DGKI: variants seen among roughly 807,000 people sequenced by gnomAD.
The protein encoded by DGKI is DAG kinase iota.
A neutral mutation model predicts 147.5 loss-of-function variants in DGKI; 55 were observed. The ratio of observed to expected loss-of-function variants is 0.37; its 90% CI spans 0.30 to 0.47. DGKI has a LOEUF of 0.47. DGKI is among the 20% of genes least tolerant of loss of function. DGKI has a pLI of 1.00. For missense variants in DGKI, 1,007 were observed against 1,323.8 expected (o/e 0.76, Z 3.71); for synonymous variants, 469 against 477.1 (o/e 0.98, Z 0.22).
intron 1 of DGKI, among the ~76,000 whole-genome samples, chr7:137,745,277 C>T (rs1795289754): frequency 6.6e-6 from 1 of 152,074 alleles, no homozygotes; most frequent in Non-Finnish European, 1.5e-5. Context: ...GCAGTGAGTA[C>T]CTCTCTCTCC....
At chr7:137,815,971 G>C (rs1797725220) in intron 1 of DGKI, among the ~76,000 whole-genome samples, 1 of 152,026 alleles carries the variant, frequency 6.6e-6, no homozygotes, top group Non-Finnish European at 1.5e-5. Flanking sequence ...AAATAATCAA[G>C]TCTGCTCTCC....
chr7:137,459,706 C>A (rs1814353229), intron 27 of DGKI, among the ~76,000 whole-genome samples: 1 of 151,838 alleles, frequency 6.6e-6, no homozygotes, highest in African/African-American at 2.4e-5. Context: ...GATCTCCTGA[C>A]CTCGTGATCC....
At chr7:137,615,531 A>ATGTGTGTGTG (rs5887846) in intron 8 of DGKI, among the ~76,000 whole-genome samples, 17 of 135,868 alleles carry the variant, frequency 1.3e-4, no homozygotes, top group African/African-American at 4.5e-4. Flanking sequence ...ATATGTATGT[A>ATGTGTGTGTG]TGTGTGTGTG....
intron 1 of DGKI, among the ~76,000 whole-genome samples, chr7:137,760,157 G>A (rs140614336): frequency 2.6e-5 from 4 of 151,986 alleles, no homozygotes; most frequent in African/African-American, 7.2e-5. Flanking sequence ...TCTTTCCTGC[G>A]GGCCCTCTCC....
At chr7:137,455,174 C>T (rs986537850) in intron 27 of DGKI, among the ~76,000 whole-genome samples, 2 of 152,060 alleles carry the variant, frequency 1.3e-5, no homozygotes, top group East Asian at 3.9e-4. Flanking sequence ...ATAACTGTAA[C>T]ATACCCCAGC....
intron 1 of DGKI, among the ~76,000 whole-genome samples, chr7:137,809,371 T>C (rs1797489385): frequency 6.6e-6 from 1 of 152,100 alleles, no homozygotes; most frequent in African/African-American, 2.4e-5. Flanking sequence ...TCTGAAGCAA[T>C]GACAGGAGGA....
chr7:137,635,513 A>T (rs928641854), intron 6 of DGKI, among the ~76,000 whole-genome samples: 5 of 152,150 alleles, frequency 3.3e-5, no homozygotes, highest in Non-Finnish European at 7.3e-5. Context: ...GAAATGTGTG[A>T]CCCACGAACA....
chr7:137,645,339 C>T, intron 6 of DGKI, 133 bp downstream of exon 6: 7 of 641,302 alleles, frequency 1.1e-5, no homozygotes, highest in Non-Finnish European at 1.8e-5. Context: ...TTAAGGAGAC[C>T]TGGACAAGTA....
intron 1 of DGKI, among the ~76,000 whole-genome samples, chr7:137,834,952 T>C (rs1197113485): frequency 6.6e-6 from 1 of 152,204 alleles, no homozygotes; most frequent in Admixed American, 6.5e-5. Context: ...GGACATTAAG[T>C]ATACGTCCTC....
intron 1 of DGKI, among the ~76,000 whole-genome samples, chr7:137,822,366 C>A (rs1315321072): frequency 6.6e-6 from 1 of 152,064 alleles, no homozygotes; most frequent in Non-Finnish European, 1.5e-5. Context: ...GAGATCACTC[C>A]CCTGCACTCC....
At chr7:137,583,694 C>G (rs1344684756) in intron 14 of DGKI, among the ~76,000 whole-genome samples, 1 of 152,078 alleles carries the variant, frequency 6.6e-6, no homozygotes, top group Non-Finnish European at 1.5e-5. Flanking sequence ...ATATGGATTT[C>G]TATTGCACGT....
At chr7:137,606,117 A>T (rs747145569) in intron 10 of DGKI, among the ~76,000 whole-genome samples, 3 of 152,198 alleles carry the variant, frequency 2.0e-5, no homozygotes, top group African/African-American at 7.2e-5. Flanking sequence ...AAAATTAAAG[A>T]GTTTTAAAAT....
intron 1 of DGKI, among the ~76,000 whole-genome samples, chr7:137,746,765 C>G (rs1795349810): frequency 6.6e-6 from 1 of 152,018 alleles, no homozygotes; most frequent in African/African-American, 2.4e-5. Context: ...CAGGTGTAAG[C>G]TGTTCCTTGG....
At chr7:137,422,509 T>C (rs1167987815) in intron 28 of DGKI, among the ~76,000 whole-genome samples, 2 of 151,904 alleles carry the variant, frequency 1.3e-5, no homozygotes, top group Admixed American at 1.3e-4. Flanking sequence ...TAGAATCCTA[T>C]TTACGGTTTT....
At chr7:137,414,839 T>G (rs1278377110) in intron 28 of DGKI, among the ~76,000 whole-genome samples, 1 of 152,234 alleles carries the variant, frequency 6.6e-6, no homozygotes, top group Non-Finnish European at 1.5e-5. Flanking sequence ...ACATAAATTT[T>G]GGAAGTTATT....
At chr7:137,396,479 G>A (rs1234949477) in intron 31 of DGKI, among the ~76,000 whole-genome samples, 1 of 152,198 alleles carries the variant, frequency 6.6e-6, no homozygotes, top group Non-Finnish European at 1.5e-5. Flanking sequence ...AGTGTTTCAG[G>A]AAAAATCAAT....
chr7:137,741,037 T>C (rs1293238444), intron 1 of DGKI, among the ~76,000 whole-genome samples: 1 of 152,040 alleles, frequency 6.6e-6, no homozygotes, highest in East Asian at 1.9e-4. Flanking sequence ...TTTTGAGAAC[T>C]AGAAAAATAA....
intron 27 of DGKI, among the ~76,000 whole-genome samples, chr7:137,445,951 T>C (rs28678824): frequency 0.35 from 53,457 of 152,038 alleles, 10,248 homozygotes; most frequent in East Asian, 0.64. Flanking sequence ...AGAGAACCTA[T>C]ATTTTAAGTA....
intron 28 of DGKI, among the ~76,000 whole-genome samples, chr7:137,435,561 T>C (rs1480691944): frequency 1.3e-5 from 2 of 151,996 alleles, no homozygotes; most frequent in East Asian, 3.9e-4. Flanking sequence ...CAACATGAGC[T>C]AAAGCGGGAA....
Sources: allele counts gnomAD v4.1 joint callset (sites outside exome capture counted in the v4.1 genomes callset), GRCh38; gene constraint gnomAD v4.1.1; transcripts MANE v1.5; gene names NCBI Gene and HGNC (gene_info 2026-07-23, HGNC 2026-07-21).